PRPF8: variants seen among roughly 807,000 people sequenced by gnomAD.
The protein encoded by PRPF8 is pre-mRNA processing factor 8.
PRPF8 carries 64 observed loss-of-function variants against 285.9 expected under a neutral mutation model. That is an observed-to-expected ratio of 0.22 (90% CI 0.18 to 0.28). The LOEUF (loss-of-function observed/expected upper bound fraction) is 0.28. Among genes scored for constraint, PRPF8 ranks in the 10% least tolerant of loss-of-function variants. PRPF8 has a pLI of 1.00. For missense variants in PRPF8, 1,426 were observed against 3,026.7 expected (o/e 0.47, Z 12.41); for synonymous variants, 1,325 against 1,118.2 (o/e 1.18, Z -3.69).
At position 1,676,115 on chromosome 17, in the gene PRPF8, C is replaced by T. The variant is rs1597245404; in HGVS notation, c.2553-61G>A. On this transcript the variant is annotated intron_variant, in intron 17 of 42. Coordinates refer to ENST00000304992, the MANE Select transcript of PRPF8 (RefSeq NM_006445.4). The surrounding 1 kb of genome is among the most constrained non-coding windows in gnomAD (Gnocchi z 6.3). ...TAGGAGGAAGTAAAACCAGGAAAGA[C>T]TGGGGCTACACCTTCTTTCTTTGGA... The T allele has an allele frequency of 1.9e-6, 3 of 1,611,980 alleles. No homozygotes were observed. Among genetic ancestry groups the T allele is most frequent in the East Asian group, 4.5e-5 (2 of 44,878 alleles).
At chr17:1,655,586 G>A in intron 36 of PRPF8, 43 bp from the exon 37 acceptor site, 1 of 1,513,576 alleles carries the variant, frequency 6.6e-7, no homozygotes, top group Non-Finnish European at 9.2e-7. Flanking sequence ...AGCTGCTTGA[G>A]GCTCTCCCAC....
At chr17:1,683,341 C>A (rs1913041340) in intron 3 of PRPF8, 192 bp downstream of exon 3, 2 of 692,204 alleles carry the variant, frequency 2.9e-6, no homozygotes, top group East Asian at 5.4e-5. Context: ...AAGCACCAGT[C>A]CCAGATCGGG....
intron 3 of PRPF8, 154 bp downstream of exon 3, chr17:1,683,379 G>C: frequency 1.2e-6 from 1 of 825,066 alleles, no homozygotes; most frequent in Non-Finnish European, 2.0e-6. Context: ...CTGCAAAAGT[G>C]GAAGATGTAG....
chr17:1,656,891 TA>T (rs1911417258), intron 34 of PRPF8, 130 bp from the exon 35 acceptor site: 1 of 880,830 alleles, frequency 1.1e-6, no homozygotes, highest in East Asian at 2.6e-5. Flanking sequence ...GTTAGGCACT[TA>T]GAAGGTACAA....
intron 24 of PRPF8, among the ~76,000 whole-genome samples, chr17:1,664,142 C>T (rs930155693): frequency 3.3e-5 from 5 of 152,036 alleles, no homozygotes; most frequent in Admixed American, 6.6e-5. Context: ...GAGACTCTCC[C>T]GCCTCAGCCT....
intron 8 of PRPF8, chr17:1,680,346 C>T (rs1294061102): frequency 1.8e-5 from 6 of 337,844 alleles, no homozygotes; most frequent in South Asian, 1.6e-4. Flanking sequence ...AATTGCATGT[C>T]GTGACAGTTG....
At chr17:1,656,811 A>T in intron 34 of PRPF8, 50 bp from the exon 35 acceptor site, 1 of 1,457,596 alleles carries the variant, frequency 6.9e-7, no homozygotes, top group Middle Eastern at 1.7e-4. Context: ...ACCCTCCCAG[A>T]TCAACTAGAA....
In PRPF8 at chr17:1,658,412, C is replaced by T; in HGVS notation, c.5377-31G>A. 1 of 1,614,208 alleles carries T rather than the reference C, an allele frequency of 6.2e-7. No individual in the cohort carries two copies. Among genetic ancestry groups the T allele is most frequent in the South Asian group, 1.1e-5 (1 of 91,084 alleles). ...GGAGGACGGCATTCGTTAGCATGGC[C>T]TACACAACACATCCCCATCCTGCCT... On this transcript the variant is annotated intron_variant, in intron 33 of 42. Coordinates refer to ENST00000304992, the MANE Select transcript of PRPF8 (RefSeq NM_006445.4). The surrounding 1 kb of genome is among the most constrained non-coding windows in gnomAD (Gnocchi z 4.1).
At chr17:1,683,810 A>C (rs74727294) in intron 2 of PRPF8, 109 bp from the exon 3 acceptor site, 196,442 of 1,279,632 alleles carry the variant, frequency 0.15, 16,388 homozygotes, top group Non-Finnish European at 0.17. Flanking sequence ...AGCAGGCACC[A>C]GCAGGAAGAA....
In PRPF8 at chr17:1,673,712, C is replaced by A; in HGVS notation, c.3446+34G>T. ...CCCTCTCTGGGCCCTTAGCTTATGT[C>A]CTTCCAGCTCACACAGCCCCAACCT... On this transcript the variant is annotated intron_variant, in intron 22 of 42. Coordinates refer to ENST00000304992, the MANE Select transcript of PRPF8 (RefSeq NM_006445.4). The surrounding 1 kb of genome is among the most constrained non-coding windows in gnomAD (Gnocchi z 5.5). 6.2e-7 allele frequency: 1 copy of A among 1,613,602 alleles called. No individual in the cohort carries two copies. Among genetic ancestry groups the A allele is most frequent in the Non-Finnish European group, 8.5e-7 (1 of 1,179,974 alleles).
rs1467434236 is a variant in PRPF8 at position 1,676,976 on chromosome 17, C to T, written c.2181G>A (p.Lys727=). ...WRCWKANIPW[K]VPGLPTPIEN... ...TCCAAGGAAATAAAGAGACACCCAC[C>T]TTCCAGGGAATGTTGGCTTTCCAGC... The change falls in exon 15 of 43, where the codon AAG becomes AAA. Residue 727 remains lysine, a splice_region_variant and synonymous_variant. Coordinates refer to ENST00000304992, the MANE Select transcript of PRPF8 (RefSeq NM_006445.4). This position sits in a 1 kb window ranked among gnomAD's most constrained non-coding sequence, Gnocchi z 6.3. The T allele has an allele frequency of 3.7e-6, 6 of 1,613,614 alleles. No individual in the cohort carries two copies. The African/African-American group carries it at 4.0e-5, about 11-fold the overall frequency.
chr17:1,660,908 G>A lies in PRPF8; in HGVS notation c.4509-81C>T, dbSNP rs1224895313. 1.9e-6 allele frequency: 3 copies of A among 1,612,364 alleles called. No individual in the cohort carries two copies. In the East Asian group the frequency reaches 6.7e-5, roughly 36 times the overall value. ...TAACCTCCTGGAGGTGGCTGTCTGGGAAACACCACAGGAAATCACAGAGGC... is the reference window on the plus strand; with the variant it reads ...TAACCTCCTGGAGGTGGCTGTCTGGAAAACACCACAGGAAATCACAGAGGC... On this transcript the variant is annotated intron_variant, in intron 28 of 42. Coordinates refer to ENST00000304992, the MANE Select transcript of PRPF8 (RefSeq NM_006445.4).
At chr17:1,654,139 G>A in intron 37 of PRPF8, 123 bp from the exon 38 acceptor site, 2 of 1,425,046 alleles carry the variant, frequency 1.4e-6, no homozygotes, top group East Asian at 2.3e-5. Flanking sequence ...CAATCCACAA[G>A]AGCTGCTTCT....
rs1911093825 is a variant in PRPF8, at chr17:1,651,888, A to G, written c.6370-100T>C. 1.5e-5 allele frequency: 22 copies of G among 1,463,338 alleles called. No individual in the cohort carries two copies. The highest frequency in any genetic ancestry group is 2.3e-5 in the East Asian group (1 of 44,188). The allele number at this position is 1,463,338 out of a possible 1,614,324, so 90.6% of individuals were successfully genotyped here. On this transcript the variant is annotated intron_variant, in intron 39 of 42. Coordinates refer to ENST00000304992, the MANE Select transcript of PRPF8 (RefSeq NM_006445.4). This position sits in a 1 kb window ranked among gnomAD's most constrained non-coding sequence, Gnocchi z 5.1. ...CCTTCCTTCCCCCAAGAACGAGGAC[A>G]GAGTTTCTTAAAACGTGATCAGAAC... is the stretch of plus-strand genomic sequence containing the variant.
Position 1,659,727 on chromosome 17 carries a change from CT to C in PRPF8, c.4946+113del, listed in dbSNP as rs1911583562. 1 of 1,436,972 alleles carries C rather than the reference CT, an allele frequency of 7.0e-7. No individual in the cohort carries two copies. The highest frequency in any genetic ancestry group is 1.4e-5 in the African/African-American group (1 of 70,944). The allele number at this position is 1,436,972 out of a possible 1,614,324, so 89.0% of individuals were successfully genotyped here. The stretch of plus-strand genomic sequence containing the variant: ...GTGTTGACAGGCTCCAAGCGTAGCA[CT>C]GGCTCCAAGTTTGAAACAAAGGCAG... On this transcript the variant is annotated intron_variant, in intron 31 of 42. Coordinates refer to ENST00000304992, the MANE Select transcript of PRPF8 (RefSeq NM_006445.4). This position sits in a 1 kb window ranked among gnomAD's most constrained non-coding sequence, Gnocchi z 5.1.
chr17:1,680,601 GC>G, intron 8 of PRPF8, 124 bp downstream of exon 8: 1 of 865,188 alleles, frequency 1.2e-6, no homozygotes, highest in Non-Finnish European at 1.9e-6. Flanking sequence ...TTCGCTTATA[GC>G]TCAAGGGGAA....
chr17:1,671,254 T>C (rs8076644), intron 24 of PRPF8, among the ~76,000 whole-genome samples: 43,494 of 152,092 alleles, frequency 0.29, 7,994 homozygotes, highest in African/African-American at 0.52. Context: ...TCACTAACTC[T>C]AGTGCTCTCA....
At chr17:1,674,008 G>T in intron 21 of PRPF8, 116 bp from the exon 22 acceptor site, 4 of 1,116,906 alleles carry the variant, frequency 3.6e-6, no homozygotes, top group Non-Finnish European at 5.2e-6. Flanking sequence ...CCCTCCCCGG[G>T]CTTCATTCCA....
chr17:1,679,544 C>A lies in PRPF8; in HGVS notation c.1289+65G>T. 6.2e-7 allele frequency: 1 copy of A among 1,602,930 alleles called. No homozygotes were observed. Among genetic ancestry groups the A allele is most frequent in the Non-Finnish European group, 8.5e-7 (1 of 1,176,190 alleles). ...ATTTAAAAAAAAGGCTACATGCCCA[C>A]CTAGTTGGAGTCTTTTCTCCTACAC... On this transcript the variant is annotated intron_variant, in intron 9 of 42. Transcript: ENST00000304992. This position sits in a 1 kb window ranked among gnomAD's most constrained non-coding sequence, Gnocchi z 4.7.
Sources: allele counts gnomAD v4.1 joint callset (sites outside exome capture counted in the v4.1 genomes callset), GRCh38; gene constraint gnomAD v4.1.1; non-coding constraint Gnocchi (gnomAD v3.1); transcripts MANE v1.5; gene names NCBI Gene and HGNC (gene_info 2026-07-23, HGNC 2026-07-21).